Variants in LANCL3 observed in about 807,000 individuals in gnomAD.
The protein encoded by LANCL3 is LanC like family member 3.
A neutral mutation model predicts 26.5 loss-of-function variants in LANCL3; 19 were observed. That is an observed-to-expected ratio of 0.72 (90% CI 0.50 to 1.05). The LOEUF (loss-of-function observed/expected upper bound fraction) is 1.05. Among genes scored for constraint, LANCL3 ranks in the 50% least tolerant of loss-of-function variants. LANCL3 has a pLI of 0.00. For missense variants in LANCL3, 318 were observed against 362.7 expected (o/e 0.88, Z 1.00); for synonymous variants, 160 against 166.6 (o/e 0.96, Z 0.30).
chrX:37,572,695 A>T (rs180856510), intron 1 of LANCL3, among the ~76,000 whole-genome samples: 1 of 111,364 alleles, frequency 9.0e-6, no homozygotes, highest in Admixed American at 9.4e-5. Flanking sequence ...ACGTGGCATC[A>T]CTCCAGATGC....
At chrX:37,673,512 C>T (rs1371620600) in intron 4 of LANCL3, among the ~76,000 whole-genome samples, 3 of 110,102 alleles carry the variant, frequency 2.7e-5, no homozygotes, top group African/African-American at 9.9e-5. Flanking sequence ...TCTTTTTAGT[C>T]CTGTAATTAG....
Position 37,571,896 on chromosome X carries a change from A to T in LANCL3, c.26A>T (p.Asn9Ile), listed in dbSNP as rs782365751. MDTKRCFA[N>I]RFDDYQGSLL... ...ATGGACACCAAGCGCTGCTTCGCCA[A>T]TCGCTTCGATGACTACCAGGGCAGC... is the stretch of plus-strand genomic sequence containing the variant. Residue 9 changes from asparagine to isoleucine, a missense_variant, in exon 1 of 5, where the codon AAT (asparagine) becomes ATT (isoleucine). Physicochemically the swap from Asn to Ile is moderately radical, Grantham distance 149 (BLOSUM62 -3). Transcript: ENST00000378619. The T allele has an allele frequency of 3.5e-5, 42 of 1,205,466 alleles. No individual in the cohort carries two copies. The East Asian group carries it at 1.2e-3, about 35-fold the overall frequency.
At chrX:37,633,811 C>T (rs1231723600) in intron 1 of LANCL3, among the ~76,000 whole-genome samples, 5 of 111,396 alleles carry the variant, frequency 4.5e-5, no homozygotes, top group South Asian at 3.8e-4. Flanking sequence ...GAGGCGTACC[C>T]GGCCATGTGA....
At chrX:37,587,825 C>G (rs1382331643) in intron 1 of LANCL3, among the ~76,000 whole-genome samples, 1 of 112,030 alleles carries the variant, frequency 8.9e-6, no homozygotes, top group Non-Finnish European at 1.9e-5. Context: ...TCTGACAAGC[C>G]CCAGTGAAAT....
chrX:37,620,116 A>G (rs1210369087), intron 1 of LANCL3, among the ~76,000 whole-genome samples: 1 of 112,035 alleles, frequency 8.9e-6, no homozygotes, highest in Admixed American at 9.5e-5. Context: ...ACATTTGGGA[A>G]GGCATGAAAT....
At chrX:37,581,442 C>CA (rs782800735) in intron 1 of LANCL3, among the ~76,000 whole-genome samples, 6 of 111,823 alleles carry the variant, frequency 5.4e-5, no homozygotes, top group Non-Finnish European at 9.4e-5. Flanking sequence ...TTTAAAGGCC[C>CA]AAACAAATCA....
rs187969618 is a variant in LANCL3 at position 37,640,786 on chromosome X, G to A, written c.574-14902G>A. Among the ~76,000 whole-genome samples, 129 of 111,580 alleles carry A rather than the reference G, an allele frequency of 1.2e-3. 2 individuals are homozygous for A. The highest frequency in any genetic ancestry group is 4.0e-3 in the African/African-American group (123 of 30,707). On this transcript the variant is annotated intron_variant, in intron 1 of 4. Transcript: ENST00000378619. Reference sequence around the variant, plus strand: ...TGTCAAAGATTAAATCTAAGGAAGAGAATTTGGGTAACTTCTTACCCTTAA... The same window carrying A: ...TGTCAAAGATTAAATCTAAGGAAGAAAATTTGGGTAACTTCTTACCCTTAA...
intron 3 of LANCL3, among the ~76,000 whole-genome samples, chrX:37,665,711 G>A (rs1926530170): frequency 8.9e-6 from 1 of 111,881 alleles, no homozygotes; most frequent in South Asian, 3.7e-4. Flanking sequence ...ATAGCAAAAT[G>A]AAAATGCAAG....
At chrX:37,629,018 G>A (rs1382826484) in intron 1 of LANCL3, among the ~76,000 whole-genome samples, 14 of 107,603 alleles carry the variant, frequency 1.3e-4, no homozygotes, top group Non-Finnish European at 2.3e-4. Flanking sequence ...CTGAGGAATC[G>A]CCACACTGAC....
At position 37,683,436 on chromosome X, in the gene LANCL3, CAT is replaced by C. The variant is rs1447425398; in HGVS notation, c.*7625_*7626del. 1 of 111,520 alleles carries C rather than the reference CAT, an allele frequency of 9.0e-6. No homozygotes were observed. Among genetic ancestry groups the C allele is most frequent in the Non-Finnish European group, 1.9e-5 (1 of 52,989 alleles). The allele number at this position is 111,520 out of a possible 1,213,427, so 9.2% of individuals were successfully genotyped here. On this transcript the variant is annotated 3_prime_UTR_variant, in exon 5 of 5. Coordinates refer to ENST00000378619, the MANE Select transcript of LANCL3 (RefSeq NM_001170331.2). Reference sequence around the variant, plus strand: ...CTTGGCACAAATGCAGAGTTAAAAACATAAAATTATAAAAAAAAATAATAGTG... The same window carrying C: ...CTTGGCACAAATGCAGAGTTAAAAACAAAATTATAAAAAAAAATAATAGTG...
At chrX:37,583,470 C>G (rs144114813) in intron 1 of LANCL3, among the ~76,000 whole-genome samples, 11,865 of 110,945 alleles carry the variant, frequency 0.11, 678 homozygotes, top group African/African-American at 0.21. Flanking sequence ...TCTTCCATTT[C>G]TTTGTATCCT....
Position 37,659,126 on chromosome X carries a change from G to T in LANCL3, c.698-336G>T, listed in dbSNP as rs554769770. Among the ~76,000 whole-genome samples the T allele has an allele frequency of 4.6e-4, 52 of 112,929 alleles. 1 individual carries two copies. In the South Asian group the frequency reaches 0.019, roughly 40 times the overall value. The stretch of plus-strand genomic sequence containing the variant: ...CAAATTTTTTCTGTAAAGGGCTAGA[G>T]ACAGTAAATATTTTCAGCTTTCTGG... On this transcript the variant is annotated intron_variant, in intron 2 of 4. Coordinates refer to ENST00000378619, the MANE Select transcript of LANCL3 (RefSeq NM_001170331.2).
At chrX:37,658,627 CAAGTT>C (rs1407739120) in intron 2 of LANCL3, among the ~76,000 whole-genome samples, 2 of 111,896 alleles carry the variant, frequency 1.8e-5, no homozygotes, top group African/African-American at 6.5e-5. Flanking sequence ...ATGGCCAAGT[CAAGTT>C]GACACACACA....
At chrX:37,632,828 T>G (rs1181445106) in intron 1 of LANCL3, among the ~76,000 whole-genome samples, 3 of 112,248 alleles carry the variant, frequency 2.7e-5, no homozygotes, top group Non-Finnish European at 5.6e-5. Flanking sequence ...GATCAGCTGT[T>G]AGTTTGATGG....
intron 1 of LANCL3, among the ~76,000 whole-genome samples, chrX:37,609,274 A>G (rs782658173): frequency 1.8e-5 from 2 of 111,900 alleles, no homozygotes; most frequent in East Asian, 5.6e-4. Flanking sequence ...CTAGAGAAGG[A>G]AAAAATATTC....
intron 1 of LANCL3, among the ~76,000 whole-genome samples, chrX:37,590,786 C>G (rs782642350): frequency 9.0e-6 from 1 of 111,280 alleles, no homozygotes; most frequent in South Asian, 3.8e-4. Flanking sequence ...GTTTCTTACA[C>G]GTGAACATGC....
intron 1 of LANCL3, among the ~76,000 whole-genome samples, chrX:37,629,743 A>C (rs1269362335): frequency 2.7e-5 from 3 of 111,372 alleles, no homozygotes; most frequent in Non-Finnish European, 5.7e-5. Flanking sequence ...AGGTTTGTCA[A>C]AGATCAGATA....
At chrX:37,591,841 GAAGCA>G (rs1367407137) in intron 1 of LANCL3, among the ~76,000 whole-genome samples, 5 of 109,517 alleles carry the variant, frequency 4.6e-5, no homozygotes, top group African/African-American at 1.3e-4. Flanking sequence ...AGAGTTGTTA[GAAGCA>G]AAGCATATGG....
intron 1 of LANCL3, among the ~76,000 whole-genome samples, chrX:37,637,331 T>C (rs782130987): frequency 8.9e-5 from 10 of 112,041 alleles, no homozygotes; most frequent in African/African-American, 3.2e-4. Flanking sequence ...AATATAACCC[T>C]ACTTTTATTT....
Sources: gnomAD v4.1 joint callset for allele counts (sites outside exome capture counted in the v4.1 genomes callset) on GRCh38, gnomAD v4.1.1 for gene constraint, MANE v1.5 for transcripts, NCBI Gene and HGNC (gene_info 2026-07-23, HGNC 2026-07-21) for gene names.